The following FRAS1 variants were observed in gnomAD, a reference collection of about 807,000 sequenced individuals.
FRAS1 encodes the protein Fraser extracellular matrix complex subunit 1.
FRAS1 carries 290 observed loss-of-function variants against 435.2 expected under a neutral mutation model. The ratio of observed to expected loss-of-function variants is 0.67; its 90% CI spans 0.61 to 0.73. FRAS1 has a LOEUF of 0.73. Ranked by LOEUF, FRAS1 falls within the 30% of genes least tolerant of loss-of-function variation. The probability of loss-of-function intolerance (pLI) is 0.00; values close to 1 mark genes in which losing one functional copy is unlikely to be tolerated. For synonymous variants in FRAS1, 1,800 were observed against 1,851.0 expected (o/e 0.97, Z 0.71); for missense variants, 4,860 against 5,001.5 (o/e 0.97, Z 0.85).
intron 47 of FRAS1, among the ~76,000 whole-genome samples, chr4:78,457,333 AG>A (rs1719233083): frequency 6.6e-6 from 1 of 152,170 alleles, no homozygotes; most frequent in Non-Finnish European, 1.5e-5. Flanking sequence ...GGGCAGTGGC[AG>A]GGGGTACCAG....
intron 53 of FRAS1, among the ~76,000 whole-genome samples, chr4:78,473,970 G>GT (rs1266561801): frequency 2.6e-5 from 4 of 152,124 alleles, no homozygotes; most frequent in Non-Finnish European, 5.9e-5. Flanking sequence ...CTGCTGCTCA[G>GT]ACAAATGTTT....
At chr4:78,452,510 A>G (rs1390181331) in intron 47 of FRAS1, among the ~76,000 whole-genome samples, 156 bp downstream of exon 47, 1 of 152,208 alleles carries the variant, frequency 6.6e-6, no homozygotes, top group Non-Finnish European at 1.5e-5. Flanking sequence ...GGCTTGTATT[A>G]TACTTAGCAC....
chr4:78,441,069 A>G (rs1431065330), intron 40 of FRAS1, 93 bp from the exon 41 acceptor site: 3 of 1,282,788 alleles, frequency 2.3e-6, no homozygotes, highest in Non-Finnish European at 3.3e-6. Flanking sequence ...TTGGTGCTAG[A>G]AGGTCACCCA....
chr4:78,179,921 A>C (rs1275099243), intron 2 of FRAS1, among the ~76,000 whole-genome samples: 1 of 152,092 alleles, frequency 6.6e-6, no homozygotes, highest in Admixed American at 6.6e-5. Flanking sequence ...GTTAACAAAC[A>C]CTCTTATATA....
chr4:78,507,741 A>G (rs1720888591), intron 62 of FRAS1, 133 bp downstream of exon 62: 2 of 823,122 alleles, frequency 2.4e-6, no homozygotes, highest in East Asian at 3.1e-5. Flanking sequence ...GCCTTCCATC[A>G]TCCCCTTTCC....
In FRAS1 at chr4:78,451,690, C is replaced by T. The variant is rs7679013; in HGVS notation, c.6464-82C>T. 5.5e-3 allele frequency: 6,433 copies of T among 1,160,416 alleles called. 264 individuals carry two copies. In the African/African-American group the frequency reaches 0.086, roughly 16 times the overall value. 71.9% of individuals were successfully genotyped at this position (1,160,416 alleles called of 1,614,324 possible). A position where few individuals can be genotyped will look rare whatever the true frequency, so the allele number is the denominator to read the frequency against. On this transcript the variant is annotated intron_variant, in intron 45 of 73. Coordinates refer to ENST00000512123, the MANE Select transcript of FRAS1 (RefSeq NM_025074.7). ...GTGAACTGATTCATTGGTGTGAACACCAATTGAATTCACACCTCTTGCTTC... is the reference window on the plus strand; with the variant it reads ...GTGAACTGATTCATTGGTGTGAACATCAATTGAATTCACACCTCTTGCTTC...
In FRAS1 at chr4:78,130,212, A is replaced by G. The variant is rs1719617103; in HGVS notation, c.108+64196A>G. On this transcript the variant is annotated intron_variant, in intron 2 of 73. Transcript: ENST00000512123. ...GTTTCTGTCATACCTTCCGGTTTTA[A>G]GCTCCTTATTAACGGTGATTTTTTA... Among the ~76,000 whole-genome samples, 7 of 152,248 alleles carry G rather than the reference A, an allele frequency of 4.6e-5. No homozygotes were observed. The South Asian group carries it at 1.5e-3, about 32-fold the overall frequency.
intron 2 of FRAS1, among the ~76,000 whole-genome samples, chr4:78,195,804 C>T (rs571276767): frequency 1.3e-5 from 2 of 152,244 alleles, no homozygotes; most frequent in Non-Finnish European, 2.9e-5. Context: ...CTGACACTCC[C>T]CAGTGAGATG....
chr4:78,185,154 C>T (rs141445499), intron 2 of FRAS1, among the ~76,000 whole-genome samples: 22 of 152,284 alleles, frequency 1.4e-4, no homozygotes, highest in African/African-American at 4.3e-4. Flanking sequence ...ATTAATGCTG[C>T]GTGTCAGTTG....
chr4:78,079,452 A>T (rs1740800450), intron 2 of FRAS1, among the ~76,000 whole-genome samples: 1 of 152,162 alleles, frequency 6.6e-6, no homozygotes, highest in Non-Finnish European at 1.5e-5. Context: ...TATGAAAATT[A>T]TATTATTTAG....
At chr4:78,531,959 C>G (rs1280121129) in intron 70 of FRAS1, among the ~76,000 whole-genome samples, 1 of 152,140 alleles carries the variant, frequency 6.6e-6, no homozygotes, top group Non-Finnish European at 1.5e-5. Context: ...TTTTCACTGC[C>G]CACCTGGCAA....
chr4:78,076,583 T>A (rs1252714191), intron 2 of FRAS1, among the ~76,000 whole-genome samples: 1 of 152,214 alleles, frequency 6.6e-6, no homozygotes, highest in African/African-American at 2.4e-5. Context: ...TATTATTGTT[T>A]GCTTCTAGGA....
chr4:78,190,413 C>G (rs891068431), intron 2 of FRAS1, among the ~76,000 whole-genome samples: 10 of 152,094 alleles, frequency 6.6e-5, no homozygotes, highest in African/African-American at 2.4e-4. Context: ...CTGGTCATTT[C>G]TCCCACCTCC....
chr4:78,322,909 T>A (rs1301372120), intron 18 of FRAS1, among the ~76,000 whole-genome samples: 1 of 152,114 alleles, frequency 6.6e-6, no homozygotes, highest in African/African-American at 2.4e-5. Flanking sequence ...AACTTATATT[T>A]TAGTGAGAGA....
chr4:78,118,200 C>G (rs1228493455), intron 2 of FRAS1, among the ~76,000 whole-genome samples: 4 of 152,170 alleles, frequency 2.6e-5, no homozygotes, highest in Non-Finnish European at 4.4e-5. Flanking sequence ...AGTTTTGTGT[C>G]AGAGGAGTAC....
At chr4:78,417,602 T>A (rs1733602850) in intron 32 of FRAS1, among the ~76,000 whole-genome samples, 2 of 152,198 alleles carry the variant, frequency 1.3e-5, no homozygotes. Context: ...ATTCCAGACC[T>A]GAGCAAGGGC....
intron 38 of FRAS1, among the ~76,000 whole-genome samples, chr4:78,434,073 A>G (rs1734318406): frequency 6.6e-6 from 1 of 152,234 alleles, no homozygotes; most frequent in South Asian, 2.1e-4. Context: ...AGTCATGGAA[A>G]AACTTTTCCA....
At chr4:78,142,755 G>A (rs1376373761) in intron 2 of FRAS1, among the ~76,000 whole-genome samples, 1 of 152,156 alleles carries the variant, frequency 6.6e-6, no homozygotes, top group Non-Finnish European at 1.5e-5. Context: ...GAGGAAAAGT[G>A]TTCTATGTTC....
intron 66 of FRAS1, among the ~76,000 whole-genome samples, chr4:78,518,906 T>C (rs1721299508): frequency 6.6e-6 from 1 of 152,168 alleles, no homozygotes; most frequent in South Asian, 2.1e-4. Context: ...TGATGATGGT[T>C]GACTTGGGCT....
Sources: gnomAD v4.1 joint callset for allele counts (sites outside exome capture counted in the v4.1 genomes callset) on GRCh38, gnomAD v4.1.1 for gene constraint, MANE v1.5 for transcripts, NCBI Gene and HGNC (gene_info 2026-07-23, HGNC 2026-07-21) for gene names.